Variants in SPDYE18 observed in about 807,000 individuals in gnomAD.
The protein encoded by SPDYE18 is speedy protein E18.
In SPDYE18, 6 loss-of-function variants were observed where a neutral mutation model predicts 44.9. That is an observed-to-expected ratio of 0.13 (90% CI 0.07 to 0.26). The LOEUF (loss-of-function observed/expected upper bound fraction) is 0.26. Among genes scored for constraint, SPDYE18 ranks in the 10% least tolerant of loss-of-function variants. The pLI is 1.00. For missense variants in SPDYE18, 121 were observed against 463.2 expected (o/e 0.26, Z 6.78); for synonymous variants, 35 against 177.1 (o/e 0.20, Z 6.37).
intron 6 of SPDYE18, among the ~76,000 whole-genome samples, chr7:77,053,687 A>G (rs1789861106): frequency 6.6e-6 from 1 of 152,194 alleles, no homozygotes; most frequent in Admixed American, 6.5e-5. Context: ...TAAAAATACA[A>G]AAATCAGCCT....
At chr7:77,060,292 C>A (rs3972484) in intron 2 of SPDYE18, 61 bp downstream of exon 2, 1 of 1,530,126 alleles carries the variant, frequency 6.5e-7, no homozygotes. Flanking sequence ...CCACCGCACC[C>A]GGCCCCCTTC....
intron 6 of SPDYE18, among the ~76,000 whole-genome samples, chr7:77,053,890 G>T (rs1168087773): frequency 6.8e-6 from 1 of 146,372 alleles, no homozygotes; most frequent in Non-Finnish European, 1.5e-5. Context: ...CAGCCCTGTA[G>T]TCGGAGCTAA....
rs371396672 is a variant in SPDYE18 at position 77,051,514 on chromosome 7, T to C, written c.*411A>G. Reference sequence around the variant, plus strand: ...TTCTGTGCCAATCTGAGCCCCTGCATTGTGCCTTCAAATGCTCCTGGACTG... The same window carrying C: ...TTCTGTGCCAATCTGAGCCCCTGCACTGTGCCTTCAAATGCTCCTGGACTG... On this transcript the variant is annotated 3_prime_UTR_variant, in exon 9 of 9. Transcript: ENST00000510091. 1.1e-3 allele frequency among the ~76,000 whole-genome samples: 161 copies of C among 152,346 alleles called. No individual in the cohort carries two copies. Among genetic ancestry groups the C allele is most frequent in the African/African-American group, 3.5e-3 (145 of 41,548 alleles).
Position 77,060,412 on chromosome 7 carries a change from C to T in SPDYE18, c.101G>A (p.Arg34Gln), listed in dbSNP as rs1002210621. Residue 34 changes from arginine to glutamine, a missense_variant, in exon 2 of 9, where the codon CGG (arginine) becomes CAG (glutamine). Coordinates refer to ENST00000510091, the MANE Select transcript of SPDYE18 (RefSeq NM_001394953.1). ...PHPQNEQSLQ[R>Q]STSGYPLQEV... ...CTGGAGGGGGTACCCCGAGGTGCTC[C>T]GCTGGAGACTCTGCTCATTCTGGGG... The T allele has an allele frequency of 6.3e-5, 96 of 1,535,448 alleles. No homozygotes were observed. The highest frequency in any genetic ancestry group is 7.8e-5 in the Non-Finnish European group (89 of 1,146,914).
At chr7:77,054,343 C>CTTGTAGAGA (rs1789877594) in intron 6 of SPDYE18, among the ~76,000 whole-genome samples, 1 of 144,964 alleles carries the variant, frequency 6.9e-6, no homozygotes, top group Non-Finnish European at 1.5e-5. Context: ...AGCCAGTGTG[C>CTTGTAGAGA]TTGTAGAGAT....
rs1168739407 is a variant in SPDYE18 at position 77,052,718 on chromosome 7, A to C, written c.*45+15T>G. 6.4e-7 allele frequency: 1 copy of C among 1,572,040 alleles called. No homozygotes were observed. The highest frequency in any genetic ancestry group is 8.6e-7 in the Non-Finnish European group (1 of 1,160,078). On this transcript the variant is annotated intron_variant, in intron 8 of 8. Transcript: ENST00000510091. ...CCCCAATATTCTGCCTTTACCCCGG[A>C]GGATGCAGATGTACCTTCTCTCAGG... is the stretch of plus-strand genomic sequence containing the variant.
rs1237821293 is a variant in SPDYE18 at position 77,060,903 on chromosome 7, A to G, written c.-391T>C. ...GCCTGAAGCATGTTGGGGTCTCTTC[A>G]TCTCTGTACATGCCCATTTCAGAGT... On this transcript the variant is annotated 5_prime_UTR_variant, in exon 2 of 9. The change abolishes an upstream ATG in the 5' untranslated region. Coordinates refer to ENST00000510091, the MANE Select transcript of SPDYE18 (RefSeq NM_001394953.1). Among the ~76,000 whole-genome samples, 6 of 149,262 alleles carry G rather than the reference A, an allele frequency of 4.0e-5. No homozygotes were observed. The highest frequency in any genetic ancestry group is 1.2e-4 in the African/African-American group (5 of 40,338).
chr7:77,054,118 G>C, intron 6 of SPDYE18, among the ~76,000 whole-genome samples: 1 of 152,214 alleles, frequency 6.6e-6, no homozygotes, highest in Non-Finnish European at 1.5e-5. Context: ...TAATCCCAGT[G>C]TCCAGGATGT....
intron 3 of SPDYE18, among the ~76,000 whole-genome samples, chr7:77,058,135 T>TTG (rs1554339329): frequency 3.7e-4 from 42 of 113,508 alleles, no homozygotes; most frequent in African/African-American, 6.1e-4. Context: ...TTTTTTTTTT[T>TTG]TTGTTGTTGT....
Position 77,053,153 on chromosome 7 carries a change from A to G in SPDYE18, c.806T>C (p.Ile269Thr). The part of the protein sequence containing the change: ...EEDDEDPKQN[I>T]FYFLYGKTRS... ...GGTCTTCCCATACAGGAAGTAGAAG[A>G]TGTTTTGTTTGGGGTCCTCGTCGTC... Residue 269 changes from isoleucine (I) to threonine (T), a missense_variant, in exon 7 of 9, where the codon ATC (isoleucine) becomes ACC (threonine). Ile to Thr is a moderately conservative substitution (Grantham distance 89). Coordinates refer to ENST00000510091, the MANE Select transcript of SPDYE18 (RefSeq NM_001394953.1). 1 of 1,614,096 alleles carries G rather than the reference A, an allele frequency of 6.2e-7. No homozygotes were observed. The highest frequency in any genetic ancestry group is 1.1e-5 in the South Asian group (1 of 91,080).
intron 2 of SPDYE18, 42 bp downstream of exon 2, chr7:77,060,311 T>C: frequency 1.3e-6 from 2 of 1,534,784 alleles, no homozygotes; most frequent in Non-Finnish European, 1.7e-6. Context: ...TCCTTCGTCT[T>C]AGTCAACCCT....
At chr7:77,058,116 C>CT (rs375559743) in intron 3 of SPDYE18, among the ~76,000 whole-genome samples, 20,317 of 62,070 alleles carry the variant, frequency 0.33, 3,148 homozygotes, top group African/African-American at 0.47. Context: ...CTCTGAGTCT[C>CT]TTTTTTTTTT....
rs1390269680 is a variant in SPDYE18, at chr7:77,051,018, T to C, written c.*907A>G. Among the ~76,000 whole-genome samples the C allele has an allele frequency of 5.9e-5, 9 of 151,970 alleles. 1 individual carries two copies. In the East Asian group the frequency reaches 1.5e-3, roughly 26 times the overall value. On this transcript the variant is annotated 3_prime_UTR_variant, in exon 9 of 9. Coordinates refer to ENST00000510091, the MANE Select transcript of SPDYE18 (RefSeq NM_001394953.1). ...ATAGTATGTATTAGACGTGTTAGTA[T>C]ATATATCTGAGACATGTTAAAAATC...
chr7:77,050,695 G>T lies in SPDYE18; in HGVS notation c.*1230C>A, dbSNP rs1374477462. 1.3e-5 allele frequency among the ~76,000 whole-genome samples: 2 copies of T among 151,948 alleles called. No homozygotes were observed. Among genetic ancestry groups the T allele is most frequent in the Non-Finnish European group, 2.9e-5 (2 of 68,000 alleles). ...GATAAAAACCATGCTCCCTTCAGCA[G>T]CACGTGTAATAATAGATACAAAGAT... On this transcript the variant is annotated 3_prime_UTR_variant, in exon 9 of 9. Coordinates refer to ENST00000510091, the MANE Select transcript of SPDYE18 (RefSeq NM_001394953.1).
Position 77,053,117 on chromosome 7 carries a change from A to G in SPDYE18, c.842T>C (p.Ile281Thr), listed in dbSNP as rs1789844227. The change falls in exon 7 of 9, where the codon ATA becomes ACA. Residue 281 changes from isoleucine (I) to threonine (T), a missense_variant. Transcript: ENST00000510091. The stretch of plus-strand genomic sequence containing the variant: ...GAACCGACGGTTACGGACCAAGGGT[A>G]TGCGAGAGCGGGTCTTCCCATACAG... ...YFLYGKTRSR[I>T]PLVRNRRFQL... 1 of 1,614,106 alleles carries G rather than the reference A, an allele frequency of 6.2e-7. No homozygotes were observed. The highest frequency in any genetic ancestry group is 1.3e-5 in the African/African-American group (1 of 74,952).
At chr7:77,054,833 C>T (rs1789890121) in intron 6 of SPDYE18, among the ~76,000 whole-genome samples, 2 of 151,944 alleles carry the variant, frequency 1.3e-5, no homozygotes, top group Admixed American at 6.6e-5. Context: ...AGTGGCTCGA[C>T]CTTAACTTAC....
rs1790005473 is a variant in SPDYE18 at position 77,060,548 on chromosome 7, T to C, written c.-36A>G. ...TGGACACTGCTAGGATCCAGAAGAG[T>C]ATGTTATCAATTCTCAAGCCTAGGA... On this transcript the variant is annotated 5_prime_UTR_variant, in exon 2 of 9. The change creates a new upstream start codon in the 5' untranslated region. Coordinates refer to ENST00000510091, the MANE Select transcript of SPDYE18 (RefSeq NM_001394953.1). The C allele has an allele frequency of 6.5e-7, 1 of 1,534,530 alleles. No individual in the cohort carries two copies. Among genetic ancestry groups the C allele is most frequent in the African/African-American group, 1.4e-5 (1 of 72,862 alleles).
rs1450960451 is a variant in SPDYE18, at chr7:77,062,536, T to G, written c.-462A>C. Among the ~76,000 whole-genome samples, 2 of 152,170 alleles carry G rather than the reference T, an allele frequency of 1.3e-5. No individual in the cohort carries two copies. The highest frequency in any genetic ancestry group is 2.9e-5 in the Non-Finnish European group (2 of 68,026). ...CTGCACAAAGTCCTGGGCCCAGATC[T>G]GGGGTCTGTCTCTGCTGAGGGTGGG... On this transcript the variant is annotated 5_prime_UTR_variant, in exon 1 of 9. Transcript: ENST00000510091.
chr7:77,058,375 G>A (rs1276928023), intron 3 of SPDYE18, among the ~76,000 whole-genome samples: 916 of 95,648 alleles, frequency 9.6e-3, no homozygotes, highest in African/African-American at 0.041. Flanking sequence ...CAAGTGATCT[G>A]CCTGCCTGGC....
Sources: allele counts gnomAD v4.1 joint callset (sites outside exome capture counted in the v4.1 genomes callset), GRCh38; gene constraint gnomAD v4.1.1; transcripts MANE v1.5; gene names NCBI Gene and HGNC (gene_info 2026-07-23, HGNC 2026-07-21).